ZNF804B: variants seen among roughly 807,000 people sequenced by gnomAD.
ZNF804B encodes the protein zinc finger 804B.
Under a neutral mutation model 101.4 loss-of-function variants are expected in ZNF804B, and 80 were observed. That is an observed-to-expected ratio of 0.79 (90% confidence interval 0.66 to 0.95). ZNF804B has a LOEUF of 0.95. Ranked by LOEUF, ZNF804B falls within the 40% of genes least tolerant of loss-of-function variation. ZNF804B has a pLI of 0.00. For missense variants in ZNF804B, 1,673 were observed against 1,561.9 expected, an observed-to-expected ratio of 1.07 and a Z score of -1.20; for synonymous variants, 622 against 558.8, an observed-to-expected ratio of 1.11 and a Z score of -1.59.
chr7:89,287,021 G>A (rs1275986158), intron 2 of ZNF804B, among the ~76,000 whole-genome samples: 10 of 151,996 alleles, frequency 6.6e-5, no homozygotes, highest in Admixed American at 6.6e-4. Flanking sequence ...TGGACACAAT[G>A]AGGATGAAGA....
At chr7:89,185,791 C>T (rs976322915) in intron 1 of ZNF804B, among the ~76,000 whole-genome samples, 3 of 151,778 alleles carry the variant, frequency 2.0e-5, no homozygotes, top group Non-Finnish European at 4.4e-5. Context: ...ATCCTGGAGA[C>T]GGAGGTTGCA....
At position 89,117,832 on chromosome 7, in the gene ZNF804B, C is replaced by A. The variant is rs1790334046; in HGVS notation, c.109-100323C>A. 2.0e-5 allele frequency among the ~76,000 whole-genome samples: 3 copies of A among 152,020 alleles called. No homozygotes were observed. In the South Asian group the frequency reaches 6.2e-4, roughly 32 times the overall value. On this transcript the variant is annotated intron_variant, in intron 1 of 3. Transcript: ENST00000333190. ...ATAAATGTAAAACCACACTTTGAAA[C>A]TTTAAAACTATTCCAGAAAAGTTTT...
intron 1 of ZNF804B, among the ~76,000 whole-genome samples, chr7:89,161,156 G>A (rs1791055451): frequency 6.6e-6 from 1 of 152,006 alleles, no homozygotes; most frequent in Admixed American, 6.6e-5. Context: ...CAACTGTGCA[G>A]AGAAACCTCC....
At chr7:89,013,005 C>A (rs1393280313) in intron 1 of ZNF804B, among the ~76,000 whole-genome samples, 2 of 152,108 alleles carry the variant, frequency 1.3e-5, no homozygotes, top group Admixed American at 6.6e-5. Flanking sequence ...AGAATGAATG[C>A]AAGCAGGGGA....
intron 1 of ZNF804B, among the ~76,000 whole-genome samples, chr7:89,065,301 T>A (rs143530936): frequency 6.6e-6 from 1 of 152,294 alleles, no homozygotes; most frequent in Non-Finnish European, 1.5e-5. Context: ...GGTGCCAGCA[T>A]TGAGCTTTCT....
intron 2 of ZNF804B, among the ~76,000 whole-genome samples, chr7:89,318,807 G>A (rs1385617004): frequency 6.6e-6 from 1 of 152,092 alleles, no homozygotes; most frequent in Non-Finnish European, 1.5e-5. Flanking sequence ...GGCGCTAGAG[G>A]AATTAAAGAC....
At chr7:88,994,530 T>A (rs1793892851) in intron 1 of ZNF804B, among the ~76,000 whole-genome samples, 1 of 152,122 alleles carries the variant, frequency 6.6e-6, no homozygotes, top group Non-Finnish European at 1.5e-5. Flanking sequence ...TTTTTCACTG[T>A]AGCCTTTGGC....
chr7:89,238,573 A>G (rs1389572414), intron 2 of ZNF804B, among the ~76,000 whole-genome samples: 2 of 152,196 alleles, frequency 1.3e-5, no homozygotes, highest in East Asian at 1.9e-4. Context: ...AATAAAAAGG[A>G]TATTTTCTGT....
intron 2 of ZNF804B, among the ~76,000 whole-genome samples, chr7:89,246,779 G>T (rs1229609101): frequency 1.3e-5 from 2 of 152,138 alleles, no homozygotes; most frequent in African/African-American, 4.8e-5. Context: ...AGATTGTGGT[G>T]CAATAGGACC....
intron 1 of ZNF804B, among the ~76,000 whole-genome samples, chr7:89,085,795 G>A (rs1196049789): frequency 6.6e-6 from 1 of 151,846 alleles, no homozygotes; most frequent in African/African-American, 2.4e-5. Context: ...ATCTTTGTCT[G>A]CATTTCATTA....
intron 2 of ZNF804B, among the ~76,000 whole-genome samples, chr7:89,225,832 A>G (rs1789080585): frequency 6.6e-6 from 1 of 152,106 alleles, no homozygotes; most frequent in Non-Finnish European, 1.5e-5. Flanking sequence ...AGGACTTTTA[A>G]GCAAGCAAAT....
intron 1 of ZNF804B, among the ~76,000 whole-genome samples, chr7:89,068,404 A>T (rs1179834059): frequency 1.3e-5 from 2 of 152,122 alleles, no homozygotes; most frequent in African/African-American, 4.8e-5. Context: ...CATAAAACCA[A>T]ATATCTGCAT....
At chr7:89,299,516 G>C (rs1274590997) in intron 2 of ZNF804B, among the ~76,000 whole-genome samples, 1 of 151,852 alleles carries the variant, frequency 6.6e-6, no homozygotes, top group African/African-American at 2.4e-5. Context: ...CCAACTAAAG[G>C]CATTTCTGAA....
chr7:88,795,496 C>T (rs549809184), intron 1 of ZNF804B: 2 of 152,098 alleles, frequency 1.3e-5, no homozygotes, highest in East Asian at 1.9e-4. Context: ...CTCCTATCGA[C>T]GAATCTCAGA....
At chr7:88,843,629 C>T (rs1004584408) in intron 1 of ZNF804B, among the ~76,000 whole-genome samples, 4 of 151,810 alleles carry the variant, frequency 2.6e-5, no homozygotes, top group Non-Finnish European at 2.9e-5. Flanking sequence ...CCCAGCTGTT[C>T]GGGAGGCTGA....
intron 1 of ZNF804B, among the ~76,000 whole-genome samples, chr7:88,925,748 G>A (rs766575555): frequency 6.6e-5 from 10 of 152,070 alleles, no homozygotes; most frequent in Non-Finnish European, 1.3e-4. Context: ...CATTAAACAC[G>A]GAGAGTAGAA....
At chr7:89,089,855 C>A (rs1247185888) in intron 1 of ZNF804B, among the ~76,000 whole-genome samples, 1 of 151,996 alleles carries the variant, frequency 6.6e-6, no homozygotes, top group Non-Finnish European at 1.5e-5. Flanking sequence ...CAATAATTCT[C>A]AGCTACACAG....
At chr7:89,269,013 A>C (rs186101470) in intron 2 of ZNF804B, among the ~76,000 whole-genome samples, 71 of 151,892 alleles carry the variant, frequency 4.7e-4, no homozygotes, top group East Asian at 1.4e-3. Context: ...GTTCTTTTTT[A>C]TTTTTTATTT....
At chr7:88,981,078 C>T (rs1793687276) in intron 1 of ZNF804B, among the ~76,000 whole-genome samples, 1 of 152,064 alleles carries the variant, frequency 6.6e-6, no homozygotes, top group Non-Finnish European at 1.5e-5. Context: ...GGAGTCTCTT[C>T]TCATAGCCAC....
Sources: allele counts gnomAD v4.1 joint callset (sites outside exome capture counted in the v4.1 genomes callset), GRCh38; gene constraint gnomAD v4.1.1; transcripts MANE v1.5; gene names NCBI Gene and HGNC (gene_info 2026-07-23, HGNC 2026-07-21).